The following WDFY2 variants were observed in gnomAD, a reference collection of about 807,000 sequenced individuals.
WDFY2 encodes the protein WD repeat and FYVE domain containing 2, also known as WD repeat and FYVE domain-containing protein 2.
In WDFY2, 36 loss-of-function variants were observed where a neutral mutation model predicts 56.4. The ratio of observed to expected loss-of-function variants is 0.64; its 90% CI spans 0.49 to 0.84. The LOEUF (loss-of-function observed/expected upper bound fraction) is 0.84, where lower values mean the gene tolerates loss of function less well. Among genes scored for constraint, WDFY2 ranks in the 40% least tolerant of loss-of-function variants. WDFY2 has a pLI of 0.00. For missense variants in WDFY2, 444 were observed against 512.2 expected (o/e 0.87, Z 1.29); for synonymous variants, 176 against 183.7 (o/e 0.96, Z 0.34).
chr13:51,688,301 C>T lies in WDFY2; in HGVS notation c.279+13058C>T, dbSNP rs190282747. ...ATTTTTCTTTTGTGTTCATGTAATG[C>T]GTTGTCACCTGGATTTTCTGAAGAG... On this transcript the variant is annotated intron_variant, in intron 3 of 11. Transcript: ENST00000298125. Among the ~76,000 whole-genome samples, 220 of 152,236 alleles carry T rather than the reference C, an allele frequency of 1.4e-3. 1 individual carries two copies. Among genetic ancestry groups the T allele is most frequent in the African/African-American group, 4.6e-3 (190 of 41,524 alleles).
At chr13:51,669,647 T>C (rs1395587699) in intron 2 of WDFY2, among the ~76,000 whole-genome samples, 1 of 152,222 alleles carries the variant, frequency 6.6e-6, no homozygotes, top group Non-Finnish European at 1.5e-5. Flanking sequence ...ATCATTTTTT[T>C]CCCTAGATTT....
In WDFY2 at chr13:51,624,587, C is replaced by T. The variant is rs1035779312; in HGVS notation, c.138-36009C>T. On this transcript the variant is annotated intron_variant, in intron 1 of 11. Coordinates refer to ENST00000298125, the MANE Select transcript of WDFY2 (RefSeq NM_052950.4). ...AGCTTATGTTCTTGGGGGGAAAATA[C>T]GTAATAAGCAATGATCATGATTGAT... is the stretch of plus-strand genomic sequence containing the variant. Among the ~76,000 whole-genome samples the T allele has an allele frequency of 7.2e-5, 11 of 152,240 alleles. No homozygotes were observed. The South Asian group carries it at 2.3e-3, about 32-fold the overall frequency.
chr13:51,721,542 G>A (rs1432078769), intron 5 of WDFY2, among the ~76,000 whole-genome samples: 2 of 151,992 alleles, frequency 1.3e-5, no homozygotes, highest in Admixed American at 6.6e-5. Flanking sequence ...TCCTCATTTT[G>A]TGACTATTCC....
At chr13:51,756,306 GTATC>G in intron 9 of WDFY2, 22 bp from the exon 10 acceptor site, 1 of 1,605,708 alleles carries the variant, frequency 6.2e-7, no homozygotes, top group Non-Finnish European at 8.5e-7. Context: ...GCCGTGATGA[GTATC>G]TATTTTATCT....
intron 1 of WDFY2, among the ~76,000 whole-genome samples, chr13:51,599,049 C>T (rs1223441726): frequency 6.6e-6 from 1 of 151,968 alleles, no homozygotes; most frequent in East Asian, 1.9e-4. Context: ...GCTAGCACTG[C>T]AGGCATGCGC....
At chr13:51,720,830 CT>C (rs199735652) in intron 5 of WDFY2, among the ~76,000 whole-genome samples, 162 of 151,060 alleles carry the variant, frequency 1.1e-3, no homozygotes, top group African/African-American at 3.5e-3. Flanking sequence ...TCTCTGTGGC[CT>C]TTTTTTTTAT....
At chr13:51,635,171 C>T (rs1490662451) in intron 1 of WDFY2, among the ~76,000 whole-genome samples, 2 of 152,070 alleles carry the variant, frequency 1.3e-5, no homozygotes, top group African/African-American at 2.4e-5. Context: ...CTTGAGCTCC[C>T]GACCTTCAGT....
chr13:51,602,393 GC>G (rs1488906028), intron 1 of WDFY2, among the ~76,000 whole-genome samples: 2 of 152,192 alleles, frequency 1.3e-5, no homozygotes, highest in Non-Finnish European at 2.9e-5. Flanking sequence ...AAAGCAATAG[GC>G]CATACTCTAT....
At chr13:51,729,960 C>T (rs1952687272) in intron 6 of WDFY2, among the ~76,000 whole-genome samples, 1 of 152,178 alleles carries the variant, frequency 6.6e-6, no homozygotes, top group South Asian at 2.1e-4. Flanking sequence ...AAACTCTGTT[C>T]CCTTGGACAT....
chr13:51,674,933 T>C (rs1955861746), intron 2 of WDFY2, among the ~76,000 whole-genome samples: 1 of 152,200 alleles, frequency 6.6e-6, no homozygotes, highest in Non-Finnish European at 1.5e-5. Flanking sequence ...CCAAGCCCCT[T>C]GGAACTTGCC....
At chr13:51,696,121 G>A (rs947370284) in intron 3 of WDFY2, among the ~76,000 whole-genome samples, 3 of 152,326 alleles carry the variant, frequency 2.0e-5, no homozygotes, top group Admixed American at 1.3e-4. Flanking sequence ...CTGACCCCTT[G>A]CGCTTCCCGA....
At position 51,765,426 on chromosome 13, in the gene WDFY2, T is replaced by C. The variant is rs1341028086; in HGVS notation, c.*5657T>C. Reference sequence around the variant, plus strand: ...CCTAAATTGGAATGGGATGTCTTCCTTGCATGTCCCATACCAGGGAATTTT... The same window carrying C: ...CCTAAATTGGAATGGGATGTCTTCCCTGCATGTCCCATACCAGGGAATTTT... On this transcript the variant is annotated 3_prime_UTR_variant, in exon 12 of 12. Coordinates refer to ENST00000298125, the MANE Select transcript of WDFY2 (RefSeq NM_052950.4). The C allele has an allele frequency of 6.6e-6, 1 of 152,166 alleles. No individual in the cohort carries two copies. Among genetic ancestry groups the C allele is most frequent in the Non-Finnish European group, 1.5e-5 (1 of 68,026 alleles). 9.4% of individuals were successfully genotyped at this position (152,166 alleles called of 1,614,324 possible).
intron 7 of WDFY2, among the ~76,000 whole-genome samples, chr13:51,745,580 A>G (rs1157450940): frequency 1.3e-5 from 2 of 152,066 alleles, no homozygotes; most frequent in Non-Finnish European, 2.9e-5. Flanking sequence ...CTGTAGAATC[A>G]GATAGCCCAG....
At chr13:51,699,128 A>G (rs1951932102) in intron 3 of WDFY2, among the ~76,000 whole-genome samples, 1 of 152,214 alleles carries the variant, frequency 6.6e-6, no homozygotes, top group South Asian at 2.1e-4. Context: ...AATTACATGA[A>G]GCACAGCTCT....
chr13:51,668,702 C>G (rs2138482683), intron 2 of WDFY2, among the ~76,000 whole-genome samples: 1 of 152,252 alleles, frequency 6.6e-6, no homozygotes, highest in South Asian at 2.1e-4. Flanking sequence ...ACCGTTAGCA[C>G]CTGAAGTTTT....
chr13:51,641,297 C>T (rs1419055444), intron 1 of WDFY2, among the ~76,000 whole-genome samples: 1 of 151,912 alleles, frequency 6.6e-6, no homozygotes, highest in African/African-American at 2.4e-5. Flanking sequence ...GTCTTGAACT[C>T]CTGACTTCGT....
chr13:51,611,272 T>A (rs1954497574), intron 1 of WDFY2, among the ~76,000 whole-genome samples: 1 of 152,228 alleles, frequency 6.6e-6, no homozygotes, highest in African/African-American at 2.4e-5. Context: ...TTGCTGTTGC[T>A]TCACTTGGTC....
chr13:51,715,150 A>G (rs1306515476), intron 4 of WDFY2, among the ~76,000 whole-genome samples: 1 of 152,234 alleles, frequency 6.6e-6, no homozygotes. Context: ...ATTACTGTAC[A>G]CTACTGTAGA....
chr13:51,589,368 T>A (rs1295700833), intron 1 of WDFY2: 2 of 151,994 alleles, frequency 1.3e-5, no homozygotes, highest in Non-Finnish European at 2.9e-5. Context: ...TTCGAGGGCC[T>A]TTTTTTCCTG....
Sources: allele counts gnomAD v4.1 joint callset (sites outside exome capture counted in the v4.1 genomes callset), GRCh38; gene constraint gnomAD v4.1.1; transcripts MANE v1.5; gene names NCBI Gene and HGNC (gene_info 2026-07-23, HGNC 2026-07-21).